Variants in LRRC37A2 observed in about 807,000 individuals in gnomAD.
The protein encoded by LRRC37A2 is leucine rich repeat containing 37 member A2.
A neutral mutation model predicts 68.8 loss-of-function variants in LRRC37A2; 9 were observed. That is an observed-to-expected ratio of 0.13 (90% confidence interval 0.08 to 0.23). The LOEUF (loss-of-function observed/expected upper bound fraction) is 0.23. Among genes scored for constraint, LRRC37A2 ranks in the 10% least tolerant of loss-of-function variants. The pLI is 1.00. For missense variants in LRRC37A2, 168 were observed against 950.4 expected (o/e 0.18, Z 10.82); for synonymous variants, 63 against 367.6 (o/e 0.17, Z 9.48).
At chr17:46,919,694 C>A in the LRRC37A2 span, among the ~76,000 whole-genome samples, 1 of 152,098 alleles carries the variant, frequency 6.6e-6, no homozygotes, top group Non-Finnish European at 1.5e-5. Flanking sequence ...ACGCCTGTAA[C>A]CCCAGCACTT....
At chr17:46,420,823 G>A in the LRRC37A2 span, among the ~76,000 whole-genome samples, 2 of 20,482 alleles carry the variant, frequency 9.8e-5, no homozygotes, top group Non-Finnish European at 3.1e-4. Flanking sequence ...TTTTTGAGAT[G>A]GTGTGTTACC....
the LRRC37A2 span, among the ~76,000 whole-genome samples, chr17:46,775,038 G>A: frequency 2.0e-5 from 3 of 152,162 alleles, no homozygotes; most frequent in African/African-American, 4.8e-5. Flanking sequence ...CAAAAGCCTC[G>A]GAAAGAGGGG....
the LRRC37A2 span, among the ~76,000 whole-genome samples, chr17:46,944,140 G>C: frequency 6.6e-6 from 1 of 152,244 alleles, no homozygotes; most frequent in East Asian, 1.9e-4. Context: ...GTGGCTGACA[G>C]TACAAGAGGG....
the LRRC37A2 span, among the ~76,000 whole-genome samples, chr17:46,823,921 G>A: frequency 3.3e-5 from 5 of 152,210 alleles, no homozygotes; most frequent in Admixed American, 1.3e-4. Context: ...TGGTGCTGAC[G>A]GAATGCCAGA....
At chr17:46,711,238 T>G in the LRRC37A2 span, 1 of 971,288 alleles carries the variant, frequency 1.0e-6, no homozygotes, top group Non-Finnish European at 1.4e-6. Flanking sequence ...TTGTTCTTGA[T>G]CTGAAAATAG....
the LRRC37A2 span, among the ~76,000 whole-genome samples, chr17:47,037,226 G>A: frequency 1.3e-5 from 2 of 151,830 alleles, no homozygotes; most frequent in African/African-American, 4.8e-5. Context: ...GGAGGTGGAG[G>A]TTGCAGTAAG....
chr17:46,883,651 G>A, the LRRC37A2 span, among the ~76,000 whole-genome samples: 4 of 152,164 alleles, frequency 2.6e-5, no homozygotes, highest in African/African-American at 9.7e-5. Flanking sequence ...ACAATAAGTA[G>A]CAGGGCTGGA....
At chr17:46,857,958 C>G in the LRRC37A2 span, among the ~76,000 whole-genome samples, 1 of 152,100 alleles carries the variant, frequency 6.6e-6, no homozygotes, top group African/African-American at 2.4e-5. Context: ...GAGATGGAGT[C>G]TCACTCTGTA....
chr17:46,857,704 A>C, the LRRC37A2 span, among the ~76,000 whole-genome samples: 2 of 152,138 alleles, frequency 1.3e-5, no homozygotes, highest in African/African-American at 4.8e-5. Flanking sequence ...AATGTATGAG[A>C]GTTCCAGTTG....
At chr17:46,936,850 T>C in the LRRC37A2 span, 1 of 983,982 alleles carries the variant, frequency 1.0e-6, no homozygotes, top group Non-Finnish European at 1.2e-6. Flanking sequence ...TTTCTCTGGC[T>C]GAGGCTTCTT....
the LRRC37A2 span, among the ~76,000 whole-genome samples, chr17:46,720,601 C>T: frequency 4.6e-5 from 7 of 152,202 alleles, no homozygotes; most frequent in African/African-American, 7.2e-5. Flanking sequence ...TTACTGATAG[C>T]ACCCATTTGA....
At chr17:46,781,692 A>T in the LRRC37A2 span, among the ~76,000 whole-genome samples, 1 of 152,190 alleles carries the variant, frequency 6.6e-6, no homozygotes, top group African/African-American at 2.4e-5. Flanking sequence ...ACTTAATGCC[A>T]CTGAATAGTA....
At chr17:46,832,612 C>T in the LRRC37A2 span, among the ~76,000 whole-genome samples, 2 of 152,108 alleles carry the variant, frequency 1.3e-5, no homozygotes, top group African/African-American at 2.4e-5. Context: ...CCCCTGCCCC[C>T]GCCCCTGCCG....
chr17:46,923,129 G>T, the LRRC37A2 span: 2 of 1,142,656 alleles, frequency 1.8e-6, no homozygotes, highest in African/African-American at 1.5e-5. Context: ...AAACCGGAAG[G>T]GGGGCTGTGA....
At chr17:46,810,493 C>A in the LRRC37A2 span, among the ~76,000 whole-genome samples, 1 of 152,174 alleles carries the variant, frequency 6.6e-6, no homozygotes, top group East Asian at 1.9e-4. Flanking sequence ...CGGGGCATGC[C>A]CACAAAGATT....
chr17:46,626,065 T>C, the LRRC37A2 span, among the ~76,000 whole-genome samples: 1 of 145,858 alleles, frequency 6.9e-6, no homozygotes, highest in Non-Finnish European at 1.5e-5. Context: ...ACAGTAAATA[T>C]TGATATCTAC....
At chr17:46,635,843 G>A in the LRRC37A2 span, among the ~76,000 whole-genome samples, 1 of 131,420 alleles carries the variant, frequency 7.6e-6, no homozygotes, top group African/African-American at 2.8e-5. Flanking sequence ...CCTTATTGAA[G>A]AGTAGCAATA....
At chr17:47,020,082 T>C in the LRRC37A2 span, among the ~76,000 whole-genome samples, 1 of 150,844 alleles carries the variant, frequency 6.6e-6, no homozygotes, top group African/African-American at 2.5e-5. Context: ...CCATTTTTGC[T>C]TCACCCTCTT....
At chr17:46,770,429 AC>A in the LRRC37A2 span, among the ~76,000 whole-genome samples, 4 of 152,090 alleles carry the variant, frequency 2.6e-5, no homozygotes, top group African/African-American at 4.8e-5. Context: ...TCCAGAGACC[AC>A]CCTGCACAGG....
Sources: allele counts gnomAD v4.1 joint callset (sites outside exome capture counted in the v4.1 genomes callset), GRCh38; gene constraint gnomAD v4.1.1; transcripts MANE v1.5; gene names NCBI Gene and HGNC (gene_info 2026-07-23, HGNC 2026-07-21).